ECE1: variants seen among roughly 807,000 people sequenced by gnomAD.
ECE1 encodes the protein endothelin converting enzyme 1.
In ECE1, 35 loss-of-function variants were observed where a neutral mutation model predicts 98.6. The observed-to-expected ratio is 0.35, with a 90% CI of 0.27 to 0.47. The LOEUF (loss-of-function observed/expected upper bound fraction) is 0.47, where lower values mean the gene tolerates loss of function less well. Among genes scored for constraint, ECE1 ranks in the 20% least tolerant of loss-of-function variants. ECE1 has a pLI of 1.00. For missense variants in ECE1, 814 were observed against 1,025.3 expected, an observed-to-expected ratio of 0.79 and a Z score of 2.81; for synonymous variants, 394 against 407.1, an observed-to-expected ratio of 0.97 and a Z score of 0.39.
intron 4 of ECE1, among the ~76,000 whole-genome samples, chr1:21,261,952 T>C (rs963078022): frequency 6.6e-6 from 1 of 152,192 alleles, no homozygotes; most frequent in African/African-American, 2.4e-5. Flanking sequence ...GAAAGCTGTC[T>C]GGCGTAGTCA....
In ECE1 at chr1:21,318,914, A is replaced by C. The variant is rs1398177107; in HGVS notation, c.3+26462T>G. Among the ~76,000 whole-genome samples the C allele has an allele frequency of 2.0e-5, 3 of 152,240 alleles. No individual in the cohort carries two copies. In the East Asian group the frequency reaches 5.8e-4, roughly 29 times the overall value. The stretch of plus-strand genomic sequence containing the variant: ...TCAGCATGGGAAATGTGACGTCAGC[A>C]GAGGCAGATGCGAAGGAATACTATC... On this transcript the variant is annotated intron_variant, in intron 1 of 18. Coordinates refer to the ECE1 transcript ENST00000415912.
At chr1:21,304,911 T>C (rs1444909707) in intron 1 of ECE1, among the ~76,000 whole-genome samples, 1 of 152,106 alleles carries the variant, frequency 6.6e-6, no homozygotes, top group African/African-American at 2.4e-5. Flanking sequence ...TACTGACGAC[T>C]GGGAAAGAAG....
upstream of ECE1, chr1:21,294,437 C>T (rs989882711): frequency 6.6e-6 from 1 of 152,584 alleles, no homozygotes; most frequent in Non-Finnish European, 1.5e-5. This position sits in a 1 kb window ranked among gnomAD's most constrained non-coding sequence, Gnocchi z 4.2. Context: ...GTCTAGTGTT[C>T]AAGAGGAGGG....
intron 1 of ECE1, among the ~76,000 whole-genome samples, chr1:21,344,744 G>A (rs1569803459): frequency 6.6e-6 from 1 of 152,318 alleles, no homozygotes; most frequent in East Asian, 1.9e-4. Context: ...GGGAGATGCT[G>A]GGGAGACCGG....
chr1:21,344,499 C>T (rs1023812383), intron 1 of ECE1, among the ~76,000 whole-genome samples: 14 of 152,222 alleles, frequency 9.2e-5, no homozygotes, highest in African/African-American at 3.4e-4. Flanking sequence ...GATGGAGAGG[C>T]CGGCACCCGG....
intron 1 of ECE1, among the ~76,000 whole-genome samples, chr1:21,338,737 C>T (rs1281246790): frequency 2.6e-5 from 4 of 152,198 alleles, no homozygotes. Context: ...GCCACCCTGG[C>T]CTTGCTTTCA....
chr1:21,323,819 CTTTT>C (rs34050500), intron 1 of ECE1, among the ~76,000 whole-genome samples: 1 of 133,884 alleles, frequency 7.5e-6, no homozygotes, highest in African/African-American at 2.7e-5. Flanking sequence ...AATTTTCTTT[CTTTT>C]TTTTTTTTTT....
intron 2 of ECE1, among the ~76,000 whole-genome samples, chr1:21,284,262 A>T (rs2098258203): frequency 6.6e-6 from 1 of 152,108 alleles, no homozygotes; most frequent in Admixed American, 6.5e-5. Context: ...AGCATGGGAG[A>T]CTGGCCTAAG....
Position 21,301,928 on chromosome 1 carries a change from A to G in ECE1, c.4-11772T>C, listed in dbSNP as rs574657297. Among the ~76,000 whole-genome samples the G allele has an allele frequency of 4.0e-5, 6 of 151,266 alleles. No individual in the cohort carries two copies. In the South Asian group the frequency reaches 8.3e-4, roughly 21 times the overall value. ...ACCACAACCCTGTGTGGTAGGTAGC[A>G]CTGTTCCCATTTGACAGATGAGGAG... On this transcript the variant is annotated intron_variant, in intron 1 of 18. Transcript: ENST00000415912.
chr1:21,306,069 G>A (rs1459887569), intron 1 of ECE1, among the ~76,000 whole-genome samples: 1 of 152,160 alleles, frequency 6.6e-6, no homozygotes, highest in Non-Finnish European at 1.5e-5. Context: ...CCTGGACGCT[G>A]GGGATGTCAA....
intron 1 of ECE1, among the ~76,000 whole-genome samples, chr1:21,332,842 G>C (rs1007019528): frequency 4.0e-5 from 6 of 149,840 alleles, no homozygotes; most frequent in Admixed American, 1.3e-4. Context: ...AACACAGGAT[G>C]GGGGTGGGGT....
At position 21,225,586 on chromosome 1, in the gene ECE1, G is replaced by A. The variant is rs550722952; in HGVS notation, c.1850-146C>T. The A allele has an allele frequency of 1.8e-5, 16 of 878,284 alleles. No homozygotes were observed. The East Asian group carries it at 2.4e-4, about 13-fold the overall frequency. 54.4% of individuals were successfully genotyped at this position (878,284 alleles called of 1,614,324 possible). A position where few individuals can be genotyped will look rare whatever the true frequency, so the allele number is the denominator to read the frequency against. On this transcript the variant is annotated intron_variant, in intron 16 of 18. Coordinates refer to ENST00000374893, the MANE Select transcript of ECE1 (RefSeq NM_001397.3). The surrounding 1 kb of genome is among the most constrained non-coding windows in gnomAD (Gnocchi z 5.3). ...GGGAGACGAGGTCCCTGTGAGTGCC[G>A]AGGGACGTGGATGTGGTGGCCAGTC...
chr1:21,231,435 G>A lies in ECE1; in HGVS notation c.1670+2123C>T, dbSNP rs375200551. 1.8e-4 allele frequency among the ~76,000 whole-genome samples: 27 copies of A among 152,154 alleles called. 1 individual carries two copies. The highest frequency in any genetic ancestry group is 6.3e-4 in the African/African-American group (26 of 41,522). ...CTGTTCACTGCAACCTCTGCCTCCC[G>A]GGTTCAAGCGATTCTCCTGCCTCAG... is the stretch of plus-strand genomic sequence containing the variant. On this transcript the variant is annotated intron_variant, in intron 14 of 18. Transcript: ENST00000374893.
At position 21,290,192 on chromosome 1, in the gene ECE1, C is replaced by T; in HGVS notation, c.52-36G>A. On this transcript the variant is annotated intron_variant, in intron 1 of 18. Coordinates refer to ENST00000374893, the MANE Select transcript of ECE1 (RefSeq NM_001397.3). The surrounding 1 kb of genome is among the most constrained non-coding windows in gnomAD (Gnocchi z 7.3). ...AAATGCAGCACGGACTCCCTCAGCG[C>T]CTCCATGGCTCTCGCGCCCGAATGG... 2 of 1,499,560 alleles carry T rather than the reference C, an allele frequency of 1.3e-6. No homozygotes were observed. Among genetic ancestry groups the T allele is most frequent in the Middle Eastern group, 1.7e-4 (1 of 5,728 alleles). The allele number at this position is 1,499,560 out of a possible 1,614,324, so 92.9% of individuals were successfully genotyped here. A position where few individuals can be genotyped will look rare whatever the true frequency, so the allele number is the denominator to read the frequency against.
intron 1 of ECE1, among the ~76,000 whole-genome samples, chr1:21,328,458 T>C (rs1381194551): frequency 1.3e-5 from 2 of 152,220 alleles, no homozygotes; most frequent in Non-Finnish European, 2.9e-5. Context: ...ATTTGGCAGA[T>C]GTCCCCAAGA....
At chr1:21,306,367 G>A (rs192999682) in intron 1 of ECE1, among the ~76,000 whole-genome samples, 5 of 148,294 alleles carry the variant, frequency 3.4e-5, no homozygotes, top group Non-Finnish European at 5.9e-5. Flanking sequence ...TTGGAGTTTC[G>A]CTCTTGTTGC....
chr1:21,289,701 C>T (rs2098264328), intron 2 of ECE1, among the ~76,000 whole-genome samples: 1 of 152,038 alleles, frequency 6.6e-6, no homozygotes, highest in African/African-American at 2.4e-5. Context: ...CAGCCGTAGA[C>T]TCTGCCGGTA....
At position 21,301,827 on chromosome 1, in the gene ECE1, GAAAAAAA is replaced by G. The variant is rs34861827; in HGVS notation, c.4-11678_4-11672del. Among the ~76,000 whole-genome samples the G allele has an allele frequency of 2.5e-3, 84 of 33,940 alleles. No individual in the cohort carries two copies. In the South Asian group the frequency reaches 0.026, roughly 10 times the overall value. The allele number at this position is 33,940 out of a possible 152,430, so 22.3% of individuals were successfully genotyped here. ...GGTGACAGAGTGAGACCCTGTCTCAGAAAAAAAAAAAAAAAAAAAAAAAAAAAGGCCA... is the reference window on the plus strand; with the variant it reads ...GGTGACAGAGTGAGACCCTGTCTCAGAAAAAAAAAAAAAAAAAAAAGGCCA... On this transcript the variant is annotated intron_variant, in intron 1 of 18. Transcript: ENST00000415912.
intron 1 of ECE1, among the ~76,000 whole-genome samples, chr1:21,297,518 TTTTTTC>T (rs1235157556): frequency 7.3e-6 from 1 of 137,414 alleles, no homozygotes; most frequent in Non-Finnish European, 1.5e-5. Flanking sequence ...CAGAACTTTC[TTTTTTC>T]TTTTTCTTTT....
Sources: gnomAD v4.1 joint callset for allele counts (sites outside exome capture counted in the v4.1 genomes callset) on GRCh38, gnomAD v4.1.1 for gene constraint, Gnocchi (gnomAD v3.1) non-coding constraint, MANE v1.5 for transcripts, NCBI Gene and HGNC (gene_info 2026-07-23, HGNC 2026-07-21) for gene names.